The following DOCK5 variants were observed in gnomAD, a reference collection of about 807,000 sequenced individuals.
The protein encoded by DOCK5 is dedicator of cytokinesis protein 5.
In DOCK5, 142 loss-of-function variants were observed where a neutral mutation model predicts 251.8. The ratio of observed to expected loss-of-function variants is 0.56; its 90% CI spans 0.49 to 0.65. The LOEUF is 0.65. Among genes scored for constraint, DOCK5 ranks in the 30% least tolerant of loss-of-function variants. The probability of loss-of-function intolerance (pLI) is 0.00; values close to 1 mark genes in which losing one functional copy is unlikely to be tolerated. For missense variants in DOCK5, 2,111 were observed against 2,312.3 expected (o/e 0.91, Z 1.79); for synonymous variants, 842 against 835.5 (o/e 1.01, Z -0.13).
chr8:25,204,130 C>G (rs997414916), intron 1 of DOCK5, among the ~76,000 whole-genome samples: 3 of 152,096 alleles, frequency 2.0e-5, no homozygotes, highest in Non-Finnish European at 4.4e-5. Flanking sequence ...TCTGAGAATT[C>G]TTTGCCAATT....
intron 47 of DOCK5, among the ~76,000 whole-genome samples, chr8:25,402,897 C>T (rs1050244897): frequency 2.6e-5 from 4 of 152,156 alleles, no homozygotes; most frequent in Admixed American, 2.6e-4. Context: ...GTCTTTCAGC[C>T]ATTAAGTGTT....
chr8:25,389,695 C>T (rs902312545), intron 41 of DOCK5, among the ~76,000 whole-genome samples: 2 of 152,164 alleles, frequency 1.3e-5, no homozygotes, highest in African/African-American at 4.8e-5. Flanking sequence ...CTCTTATCCT[C>T]AGATTCTCCA....
Position 25,410,713 on chromosome 8 carries a change from C to G in DOCK5, c.5509-481C>G, listed in dbSNP as rs528121782. On this transcript the variant is annotated intron_variant, in intron 51 of 51. Transcript: ENST00000276440. ...CTGGCCTCAAGTGATCCCCCCCACC[C>G]ACCTCAGCCTTCCAAAGTGCTGAGA... is the stretch of plus-strand genomic sequence containing the variant. Among the ~76,000 whole-genome samples, 1,112 of 149,458 alleles carry G rather than the reference C, an allele frequency of 7.4e-3. 11 individuals carry two copies. The highest frequency in any genetic ancestry group is 0.013 in the Non-Finnish European group (847 of 67,176).
At chr8:25,271,095 G>C in intron 3 of DOCK5, 1 of 357,788 alleles carries the variant, frequency 2.8e-6, no homozygotes, top group Non-Finnish European at 5.0e-6. Flanking sequence ...CTAGCTAATA[G>C]TGCCATTGTT....
At chr8:25,356,623 C>A (rs1424186257) in intron 27 of DOCK5, among the ~76,000 whole-genome samples, 1 of 151,896 alleles carries the variant, frequency 6.6e-6, no homozygotes, top group Admixed American at 6.6e-5. Flanking sequence ...CAGCCATGAT[C>A]GCCACTGCAC....
At chr8:25,229,452 G>C (rs1802615080) in intron 1 of DOCK5, among the ~76,000 whole-genome samples, 1 of 151,688 alleles carries the variant, frequency 6.6e-6, no homozygotes, top group African/African-American at 2.4e-5. Flanking sequence ...CTGCACTCCA[G>C]CCTGGGCGAC....
chr8:25,353,276 G>T (rs555660018), intron 27 of DOCK5, among the ~76,000 whole-genome samples: 19 of 152,118 alleles, frequency 1.2e-4, no homozygotes, highest in African/African-American at 4.6e-4. Context: ...GGAGATCAAG[G>T]CTGCAATGAG....
At position 25,241,156 on chromosome 8, in the gene DOCK5, T is replaced by C. The variant is rs554730250; in HGVS notation, c.44-2518T>C. Among the ~76,000 whole-genome samples the C allele has an allele frequency of 3.3e-5, 5 of 152,306 alleles. No homozygotes were observed. In the East Asian group the frequency reaches 7.7e-4, roughly 24 times the overall value. Reference sequence around the variant, plus strand: ...AAATAAAAACTGCAATGAGATACCATCTCAAGCCAGTTAGAATGGCGATCG... The same window carrying C: ...AAATAAAAACTGCAATGAGATACCACCTCAAGCCAGTTAGAATGGCGATCG... On this transcript the variant is annotated intron_variant, in intron 1 of 51. Coordinates refer to ENST00000276440, the MANE Select transcript of DOCK5 (RefSeq NM_024940.8).
chr8:25,279,781 A>ATTT (rs59363613), intron 5 of DOCK5, among the ~76,000 whole-genome samples: 2 of 143,592 alleles, frequency 1.4e-5, no homozygotes, highest in Non-Finnish European at 3.1e-5. Flanking sequence ...CGCCTGGCTA[A>ATTT]TTTTTTTTTT....
chr8:25,256,200 T>C (rs937043914), intron 2 of DOCK5, among the ~76,000 whole-genome samples: 4 of 152,262 alleles, frequency 2.6e-5, no homozygotes, highest in African/African-American at 9.6e-5. Context: ...TAGATATGTG[T>C]GTGTGTGTTT....
At chr8:25,263,747 C>A (rs985255979) in intron 2 of DOCK5, among the ~76,000 whole-genome samples, 3 of 151,778 alleles carry the variant, frequency 2.0e-5, no homozygotes, top group Non-Finnish European at 4.4e-5. Context: ...CTCGGTCCCC[C>A]TGGGCTCTGA....
intron 15 of DOCK5, among the ~76,000 whole-genome samples, chr8:25,320,500 C>T (rs1473196641): frequency 2.0e-5 from 3 of 152,286 alleles, no homozygotes; most frequent in South Asian, 4.1e-4. Flanking sequence ...TGACTGCACA[C>T]CACAAATCTC....
intron 2 of DOCK5, among the ~76,000 whole-genome samples, chr8:25,246,705 TG>T (rs1803122988): frequency 1.0e-4 from 1 of 9,880 alleles, no homozygotes; most frequent in Non-Finnish European, 4.3e-4. Context: ...CATGTTAGTT[TG>T]TGTGTGTGTG....
chr8:25,291,937 AAAAC>A (rs1804499566), intron 5 of DOCK5, 83 bp from the exon 6 acceptor site: 2 of 1,335,878 alleles, frequency 1.5e-6, no homozygotes, highest in Non-Finnish European at 2.0e-6. Context: ...ATTCCCGTTA[AAAAC>A]AAACAAATAA....
chr8:25,187,270 C>CATATATGTATATATGTATAT (rs1470437583), intron 1 of DOCK5, among the ~76,000 whole-genome samples: 7 of 147,566 alleles, frequency 4.7e-5, no homozygotes, highest in African/African-American at 1.5e-4. Flanking sequence ...CGTATACACA[C>CATATATGTATATATGTATAT]ACATATATGT....
intron 2 of DOCK5, among the ~76,000 whole-genome samples, chr8:25,246,704 T>TAGTTTG (rs1414412892): frequency 1.1e-5 from 1 of 89,576 alleles, no homozygotes; most frequent in Non-Finnish European, 2.2e-5. Context: ...CCATGTTAGT[T>TAGTTTG]TGTGTGTGTG....
intron 1 of DOCK5, among the ~76,000 whole-genome samples, chr8:25,213,906 G>C (rs1415027046): frequency 6.6e-6 from 1 of 152,194 alleles, no homozygotes; most frequent in African/African-American, 2.4e-5. Context: ...AAGTACTTGA[G>C]ACCAGAAGTG....
intron 26 of DOCK5, among the ~76,000 whole-genome samples, chr8:25,349,498 G>A (rs1800429097): frequency 6.6e-6 from 1 of 152,182 alleles, no homozygotes; most frequent in Non-Finnish European, 1.5e-5. Flanking sequence ...ATTTGCAATA[G>A]CAAAGATATG....
rs536243861 is a variant in DOCK5 at position 25,406,200 on chromosome 8, C to T, written c.5094-1783C>T. ...GTGTCGATCTCCTGACCTCGTGATTCGCCCGCCTCAGCTTCCCAAAGTGCT... is the reference window on the plus strand; with the variant it reads ...GTGTCGATCTCCTGACCTCGTGATTTGCCCGCCTCAGCTTCCCAAAGTGCT... On this transcript the variant is annotated intron_variant, in intron 48 of 51. Coordinates refer to ENST00000276440, the MANE Select transcript of DOCK5 (RefSeq NM_024940.8). Among the ~76,000 whole-genome samples, 16 of 152,252 alleles carry T rather than the reference C, an allele frequency of 1.1e-4. 1 individual carries two copies. The East Asian group carries it at 2.7e-3, about 26-fold the overall frequency.
Sources: allele counts gnomAD v4.1 joint callset (sites outside exome capture counted in the v4.1 genomes callset), GRCh38; gene constraint gnomAD v4.1.1; transcripts MANE v1.5; gene names NCBI Gene and HGNC (gene_info 2026-07-23, HGNC 2026-07-21).